The following LMTK2 variants were observed in gnomAD, a reference collection of about 807,000 sequenced individuals.
The protein encoded by LMTK2 is lemur tail kinase 2, also known as serine/threonine-protein kinase LMTK2.
Under a neutral mutation model 127.5 loss-of-function variants are expected in LMTK2, and 37 were observed. The ratio of observed to expected loss-of-function variants is 0.29; its 90% CI spans 0.22 to 0.38. LMTK2 has a LOEUF of 0.38. LMTK2 is among the 10% of genes least tolerant of loss of function. The pLI is 1.00. For synonymous variants in LMTK2, 819 were observed against 810.1 expected, an observed-to-expected ratio of 1.01 and a Z score of -0.19; for missense variants, 1,694 against 1,920.3, an observed-to-expected ratio of 0.88 and a Z score of 2.20.
intron 9 of LMTK2, among the ~76,000 whole-genome samples, chr7:98,187,579 G>GATAT (rs896247954): frequency 6.6e-6 from 1 of 150,946 alleles, no homozygotes; most frequent in Non-Finnish European, 1.5e-5. Context: ...GGGGTACAGT[G>GATAT]ATATATATAT....
intron 11 of LMTK2, among the ~76,000 whole-genome samples, chr7:98,198,284 G>T (rs555968031): frequency 6.7e-6 from 1 of 149,834 alleles, no homozygotes; most frequent in African/African-American, 2.5e-5. Context: ...TCCGCCTCCC[G>T]CGTTCAAGCA....
intron 9 of LMTK2, among the ~76,000 whole-genome samples, chr7:98,189,569 C>A (rs928045703): frequency 6.6e-6 from 1 of 152,156 alleles, no homozygotes; most frequent in African/African-American, 2.4e-5. Context: ...TGTGTGTTCA[C>A]GGCTTCCCAG....
Position 98,204,129 on chromosome 7 carries a change from G to T in LMTK2, c.4426G>T (p.Ala1476Ser). 6.2e-7 allele frequency: 1 copy of T among 1,611,588 alleles called. No homozygotes were observed. The highest frequency in any genetic ancestry group is 1.3e-5 in the African/African-American group (1 of 75,030). ...APYSRFSISP[A>S]NIASFSLTHL... is the part of the protein sequence containing the mutation. The stretch of plus-strand genomic sequence containing the variant: ...TTACTCCCGGTTCTCCATCTCTCCC[G>T]CCAACATTGCCAGCTTTTCCCTCAC... The change falls in exon 13 of 14, where the codon GCC (alanine) becomes TCC (serine). Residue 1476 changes from alanine to serine, a missense_variant. This residue lies in a region of LMTK2 where 554 missense variants were observed against 567.7 expected (regional missense o/e 0.98). Transcript: ENST00000297293.
At chr7:98,198,066 C>T (rs1797654219) in intron 11 of LMTK2, among the ~76,000 whole-genome samples, 1 of 151,346 alleles carries the variant, frequency 6.6e-6, no homozygotes, top group Admixed American at 6.6e-5. Flanking sequence ...CTTTTGTTTT[C>T]ATGGATTTTT....
intron 9 of LMTK2, among the ~76,000 whole-genome samples, chr7:98,190,331 C>T (rs1797502963): frequency 6.6e-6 from 1 of 152,192 alleles, no homozygotes; most frequent in Admixed American, 6.5e-5. Context: ...CCTGTAATCT[C>T]AGCACTTTGG....
chr7:98,115,394 C>T (rs952449573), intron 1 of LMTK2, among the ~76,000 whole-genome samples: 11 of 149,334 alleles, frequency 7.4e-5, no homozygotes, highest in African/African-American at 2.5e-4. Flanking sequence ...CCAGCCTGGG[C>T]GACAGAGCGA....
chr7:98,137,651 C>T (rs1353565047), intron 2 of LMTK2, among the ~76,000 whole-genome samples: 2 of 152,196 alleles, frequency 1.3e-5, no homozygotes, highest in African/African-American at 4.8e-5. Context: ...CCAGGATAGA[C>T]ACTGTTACCA....
At chr7:98,141,665 T>A in intron 3 of LMTK2, 124 bp downstream of exon 3, 1 of 944,138 alleles carries the variant, frequency 1.1e-6, no homozygotes. Context: ...TTCCTTCTGC[T>A]CCCAGTGAAG....
rs1797792748 is a variant in LMTK2, at chr7:98,206,064, A to T, written c.*572A>T. 1 of 153,956 alleles carries T rather than the reference A, an allele frequency of 6.5e-6. No individual in the cohort carries two copies. The highest frequency in any genetic ancestry group is 2.4e-5 in the African/African-American group (1 of 41,592). The allele number at this position is 153,956 out of a possible 1,614,324, so 9.5% of individuals were successfully genotyped here. ...GAGGCAGGTCAAGCCGATGCTAGCCACTAGTTTGATTTTTTTTCTGTTTTA... is the reference window on the plus strand; with the variant it reads ...GAGGCAGGTCAAGCCGATGCTAGCCTCTAGTTTGATTTTTTTTCTGTTTTA... On this transcript the variant is annotated 3_prime_UTR_variant, in exon 14 of 14. Transcript: ENST00000297293.
intron 3 of LMTK2, among the ~76,000 whole-genome samples, chr7:98,143,393 CAG>C (rs1562903908): frequency 6.6e-6 from 1 of 152,100 alleles, no homozygotes; most frequent in Non-Finnish European, 1.5e-5. Flanking sequence ...CACAAATTGA[CAG>C]AGTCGCAAAA....
intron 1 of LMTK2, among the ~76,000 whole-genome samples, chr7:98,121,086 C>T (rs1367446487): frequency 2.0e-5 from 3 of 152,100 alleles, no homozygotes; most frequent in South Asian, 2.1e-4. Flanking sequence ...AGTCTCACAC[C>T]GCCAGTTAGG....
At chr7:98,140,131 T>C (rs144763440) in intron 2 of LMTK2, among the ~76,000 whole-genome samples, 863 of 9,498 alleles carry the variant, frequency 0.091, 69 homozygotes, top group African/African-American at 0.3. Flanking sequence ...TCTTTCTTTC[T>C]TTCTTTCTTT....
At chr7:98,189,534 T>C (rs1277289246) in intron 9 of LMTK2, among the ~76,000 whole-genome samples, 1 of 152,158 alleles carries the variant, frequency 6.6e-6, no homozygotes, top group Non-Finnish European at 1.5e-5. Context: ...AAGCATCCTT[T>C]AGGGGTGGAT....
rs1008981421 is a variant in LMTK2 at position 98,134,738 on chromosome 7, G to A, written c.104-2577G>A. Among the ~76,000 whole-genome samples, 4 of 152,140 alleles carry A rather than the reference G, an allele frequency of 2.6e-5. 1 individual carries two copies. Among genetic ancestry groups the A allele is most frequent in the Admixed American group, 2.6e-4 (4 of 15,294 alleles). The stretch of plus-strand genomic sequence containing the variant: ...ATGAGTGAACAGCTCACTGCAAGGA[G>A]GAAGAGAAGAAAATCATCCTTCTTG... On this transcript the variant is annotated intron_variant, in intron 1 of 13. Transcript: ENST00000297293.
At position 98,206,322 on chromosome 7, in the gene LMTK2, A is replaced by T. The variant is rs1413354252; in HGVS notation, c.*830A>T. On this transcript the variant is annotated 3_prime_UTR_variant, in exon 14 of 14. Transcript: ENST00000297293. ...TGATGAAGCGGCTTTGCCGCAGCAA[A>T]TGAGGCTTCTCTCTGAGGAGCTGAG... The T allele has an allele frequency of 6.6e-6, 1 of 152,268 alleles. No individual in the cohort carries two copies. The highest frequency in any genetic ancestry group is 1.5e-5 in the Non-Finnish European group (1 of 68,048). 9.4% of individuals were successfully genotyped at this position (152,268 alleles called of 1,614,324 possible).
At chr7:98,163,291 AT>A (rs149910891) in intron 6 of LMTK2, among the ~76,000 whole-genome samples, 19,207 of 151,512 alleles carry the variant, frequency 0.13, 1,300 homozygotes, top group East Asian at 0.19. Context: ...TATTTTATGC[AT>A]TTTTTTTTAC....
At chr7:98,161,261 A>G (rs1231701809) in intron 6 of LMTK2, among the ~76,000 whole-genome samples, 1 of 152,156 alleles carries the variant, frequency 6.6e-6, no homozygotes. Context: ...TGGTCGCACT[A>G]GAAATTACAG....
In LMTK2 at chr7:98,107,214, C is replaced by T. The variant is rs758625666; in HGVS notation, c.37C>T (p.Leu13=). ...GCCGGCGTTGCGGCGGAGGCTGCTG[C>T]TGCTGCTGCTGGTCCTCCTGATCGC... ...GPPALRRRLL[L]LLLVLLIAGS... Residue 13 remains leucine (L), a synonymous_variant, in exon 1 of 14, where the codon CTG becomes TTG. Transcript: ENST00000297293. 2.0e-6 allele frequency: 3 copies of T among 1,464,020 alleles called. No homozygotes were observed. Among genetic ancestry groups the T allele is most frequent in the African/African-American group, 1.5e-5 (1 of 67,654 alleles). The allele number at this position is 1,464,020 out of a possible 1,614,324, so 90.7% of individuals were successfully genotyped here. A position where few individuals can be genotyped will look rare whatever the true frequency, so the allele number is the denominator to read the frequency against.
intron 6 of LMTK2, among the ~76,000 whole-genome samples, chr7:98,165,240 A>G (rs1489640096): frequency 6.6e-6 from 1 of 152,224 alleles, no homozygotes; most frequent in Admixed American, 6.5e-5. Context: ...GGCTAGGCCC[A>G]GTGCTGGGCA....
Sources: allele counts gnomAD v4.1 joint callset (sites outside exome capture counted in the v4.1 genomes callset), GRCh38; gene constraint gnomAD v4.1.1; regional missense constraint gnomAD v4.1.1; transcripts MANE v1.5; gene names NCBI Gene and HGNC (gene_info 2026-07-23, HGNC 2026-07-21).